CYP39A1: variants seen among roughly 807,000 people sequenced by gnomAD.
The protein encoded by CYP39A1 is cytochrome P450 family 39 subfamily A member 1, also known as 24-hydroxycholesterol 7-alpha-hydroxylase.
A neutral mutation model predicts 58.1 loss-of-function variants in CYP39A1; 49 were observed. The observed-to-expected ratio is 0.84, with a 90% CI of 0.67 to 1.07. The LOEUF (loss-of-function observed/expected upper bound fraction) is 1.07, where lower values mean the gene tolerates loss of function less well. CYP39A1 is among the 50% of genes least tolerant of loss of function. CYP39A1 has a pLI of 0.00. For synonymous variants in CYP39A1, 209 were observed against 187.6 expected (o/e 1.11, Z -0.93); for missense variants, 531 against 539.4 (o/e 0.98, Z 0.16).
intron 1 of CYP39A1, among the ~76,000 whole-genome samples, chr6:46,648,300 G>C (rs1762453223): frequency 6.6e-6 from 1 of 151,820 alleles, no homozygotes; most frequent in African/African-American, 2.4e-5. Flanking sequence ...AAGAAAATGT[G>C]GTACATATAC....
intron 10 of CYP39A1, among the ~76,000 whole-genome samples, chr6:46,563,459 A>G (rs1393316852): frequency 6.6e-6 from 1 of 152,210 alleles, no homozygotes; most frequent in African/African-American, 2.4e-5. Flanking sequence ...TTTTTTAAAT[A>G]CTTGGTACTT....
chr6:46,582,245 G>A (rs1221894012), intron 10 of CYP39A1, among the ~76,000 whole-genome samples: 1 of 151,954 alleles, frequency 6.6e-6, no homozygotes, highest in African/African-American at 2.4e-5. Flanking sequence ...AAATTTATGG[G>A]GATTTAAATT....
chr6:46,550,306 G>T lies in CYP39A1; in HGVS notation c.*60C>A. The T allele has an allele frequency of 7.0e-7, 1 of 1,418,444 alleles. No homozygotes were observed. 87.9% of individuals were successfully genotyped at this position (1,418,444 alleles called of 1,614,324 possible). Reference sequence around the variant, plus strand: ...TTTGTAGAGCTCAGGTCTAGGTGCTGCCAGGTGGGGTAGTGCCACTCCTCC... The same window carrying T: ...TTTGTAGAGCTCAGGTCTAGGTGCTTCCAGGTGGGGTAGTGCCACTCCTCC... On this transcript the variant is annotated 3_prime_UTR_variant, in exon 12 of 12. Coordinates refer to ENST00000275016, the MANE Select transcript of CYP39A1 (RefSeq NM_016593.5).
chr6:46,598,863 G>A (rs1773325837), intron 7 of CYP39A1, among the ~76,000 whole-genome samples: 1 of 152,148 alleles, frequency 6.6e-6, no homozygotes, highest in African/African-American at 2.4e-5. Context: ...CAAACTTAGA[G>A]CAGTGCCCGG....
At chr6:46,578,788 A>G (rs1771974413) in intron 10 of CYP39A1, among the ~76,000 whole-genome samples, 1 of 152,024 alleles carries the variant, frequency 6.6e-6, no homozygotes, top group South Asian at 2.1e-4. Context: ...TCTGAAATGG[A>G]ATCAAAACTC....
At chr6:46,618,689 G>A (rs1438536189) in intron 7 of CYP39A1, among the ~76,000 whole-genome samples, 2 of 151,922 alleles carry the variant, frequency 1.3e-5, no homozygotes, top group Admixed American at 6.6e-5. Context: ...GGTGTATTAC[G>A]TATTTTTTTT....
At chr6:46,623,632 C>T (rs1284660405) in intron 7 of CYP39A1, among the ~76,000 whole-genome samples, 2 of 152,128 alleles carry the variant, frequency 1.3e-5, no homozygotes, top group East Asian at 1.9e-4. Flanking sequence ...AGTTTTCTCT[C>T]TCTCTTTATC....
intron 10 of CYP39A1, among the ~76,000 whole-genome samples, chr6:46,556,538 T>C (rs1173447256): frequency 6.6e-6 from 1 of 152,024 alleles, no homozygotes; most frequent in African/African-American, 2.4e-5. Flanking sequence ...CACAAGAAGC[T>C]GAATAAGGCC....
At chr6:46,570,275 A>C (rs187854268) in intron 10 of CYP39A1, among the ~76,000 whole-genome samples, 2 of 152,146 alleles carry the variant, frequency 1.3e-5, no homozygotes, top group Admixed American at 1.3e-4. Flanking sequence ...TAATTTTTTA[A>C]CTGAAAAACC....
chr6:46,600,716 G>T (rs760250785), intron 7 of CYP39A1, among the ~76,000 whole-genome samples: 6 of 152,178 alleles, frequency 3.9e-5, no homozygotes, highest in Non-Finnish European at 8.8e-5. Context: ...CAACTTCAGA[G>T]AAAGAAGCTC....
intron 10 of CYP39A1, among the ~76,000 whole-genome samples, chr6:46,554,240 T>C (rs551306121): frequency 6.6e-6 from 1 of 152,318 alleles, no homozygotes; most frequent in South Asian, 2.1e-4. Flanking sequence ...AGTTCCTCGG[T>C]TGCACTGGCC....
chr6:46,557,933 CAAAAAAAAAAA>C (rs1186594398), intron 10 of CYP39A1, among the ~76,000 whole-genome samples: 2 of 37,628 alleles, frequency 5.3e-5, no homozygotes, highest in Admixed American at 3.0e-4. Flanking sequence ...GACTCCATCT[CAAAAAAAAAAA>C]AAAAAAAAAA....
chr6:46,574,318 C>T (rs1374104337), intron 10 of CYP39A1, among the ~76,000 whole-genome samples: 4 of 152,148 alleles, frequency 2.6e-5, no homozygotes, highest in Non-Finnish European at 5.9e-5. Flanking sequence ...AATACCTAAA[C>T]TAATCACTAT....
chr6:46,592,557 C>T (rs1772902560), intron 8 of CYP39A1, among the ~76,000 whole-genome samples: 1 of 152,152 alleles, frequency 6.6e-6, no homozygotes, highest in Non-Finnish European at 1.5e-5. Flanking sequence ...TTGGAAGCCA[C>T]ATACATATGC....
intron 11 of CYP39A1, among the ~76,000 whole-genome samples, chr6:46,553,185 C>G (rs806505): frequency 6.6e-6 from 1 of 151,042 alleles, no homozygotes; most frequent in Non-Finnish European, 1.5e-5. Flanking sequence ...TCTGTTCTAA[C>G]AAGCCCTACT....
At chr6:46,615,965 C>T (rs1330460330) in intron 7 of CYP39A1, among the ~76,000 whole-genome samples, 1 of 151,094 alleles carries the variant, frequency 6.6e-6, no homozygotes, top group Non-Finnish European at 1.5e-5. Flanking sequence ...CACCTTCCCC[C>T]ATCCCTGACA....
chr6:46,601,416 T>A (rs1773493712), intron 7 of CYP39A1, among the ~76,000 whole-genome samples: 1 of 152,102 alleles, frequency 6.6e-6, no homozygotes, highest in Non-Finnish European at 1.5e-5. Flanking sequence ...CAATACCATT[T>A]AGAATTAAAT....
Position 46,634,668 on chromosome 6 carries a change from C to T in CYP39A1, c.732+1721G>A, listed in dbSNP as rs190964583. Among the ~76,000 whole-genome samples, 118 of 151,674 alleles carry T rather than the reference C, an allele frequency of 7.8e-4. 1 individual carries two copies. Among genetic ancestry groups the T allele is most frequent in the Non-Finnish European group, 1.1e-3 (78 of 67,878 alleles). On this transcript the variant is annotated intron_variant, in intron 5 of 11. Coordinates refer to ENST00000275016, the MANE Select transcript of CYP39A1 (RefSeq NM_016593.5). ...TCCTGAGTAGCTGGGATTACAGGCG[C>T]GCACCACCATGCCAGGCTAATTTTT...
rs923985900 is a variant in CYP39A1 at position 46,603,991 on chromosome 6, T to G, written c.932-7871A>C. ...CAAGTCAAGTATACAATGCCTAGCA[T>G]AGTATCTGGATAACCCTGTAAAATA... On this transcript the variant is annotated intron_variant, in intron 7 of 11. Coordinates refer to ENST00000275016, the MANE Select transcript of CYP39A1 (RefSeq NM_016593.5). Among the ~76,000 whole-genome samples the G allele has an allele frequency of 3.3e-5, 5 of 152,326 alleles. No individual in the cohort carries two copies. In the East Asian group the frequency reaches 9.7e-4, roughly 29 times the overall value.
Sources: gnomAD v4.1 joint callset for allele counts (sites outside exome capture counted in the v4.1 genomes callset) on GRCh38, gnomAD v4.1.1 for gene constraint, MANE v1.5 for transcripts, NCBI Gene and HGNC (gene_info 2026-07-23, HGNC 2026-07-21) for gene names.